SCN9A: variants seen among roughly 807,000 people sequenced by gnomAD.
SCN9A encodes the protein sodium voltage-gated channel alpha subunit 9, also known as sodium channel protein type 9 subunit alpha.
A neutral mutation model predicts 187.0 loss-of-function variants in SCN9A; 131 were observed. The ratio of observed to expected loss-of-function variants is 0.70; its 90% confidence interval spans 0.61 to 0.81. The LOEUF is 0.81. SCN9A is among the 30% of genes least tolerant of loss of function. The pLI, the probability that SCN9A is intolerant of heterozygous loss-of-function variation, is 0.00. For missense variants in SCN9A, 2,252 were observed against 2,396.6 expected (o/e 0.94, Z 1.26); for synonymous variants, 809 against 808.6 (o/e 1.00, Z -0.01).
intron 24 of SCN9A, among the ~76,000 whole-genome samples, chr2:166,211,235 A>C (rs1328473053): frequency 2.0e-5 from 3 of 152,196 alleles, no homozygotes; most frequent in Non-Finnish European, 4.4e-5. Flanking sequence ...ATAAAGTGAA[A>C]GTATATATTC....
At chr2:166,339,187 C>G (rs1699704272) in intron 1 of SCN9A, among the ~76,000 whole-genome samples, 1 of 152,100 alleles carries the variant, frequency 6.6e-6, no homozygotes, top group Admixed American at 6.6e-5. Flanking sequence ...CCATCAGGAA[C>G]ACCTAGAAGC....
At chr2:166,235,537 C>G (rs1695279037) in intron 20 of SCN9A, among the ~76,000 whole-genome samples, 1 of 152,104 alleles carries the variant, frequency 6.6e-6, no homozygotes, top group Non-Finnish European at 1.5e-5. Flanking sequence ...CATCCAACCC[C>G]AGAGTTTCTG....
chr2:166,243,806 G>C (rs1695669529), intron 18 of SCN9A, among the ~76,000 whole-genome samples: 2 of 151,974 alleles, frequency 1.3e-5, no homozygotes, highest in African/African-American at 2.4e-5. Flanking sequence ...TACGCAAATT[G>C]CAATGTAAAT....
chr2:166,257,696 T>A (rs1209711565), intron 17 of SCN9A, among the ~76,000 whole-genome samples: 1 of 151,522 alleles, frequency 6.6e-6, no homozygotes, highest in Non-Finnish European at 1.5e-5. Context: ...TCAAAACATA[T>A]ATATGCATAT....
intron 17 of SCN9A, among the ~76,000 whole-genome samples, chr2:166,271,143 C>CA (rs1300914815): frequency 1.3e-5 from 2 of 151,768 alleles, no homozygotes; most frequent in African/African-American, 2.4e-5. Context: ...CATAATTTCT[C>CA]AAAAAATTAA....
intron 1 of SCN9A, among the ~76,000 whole-genome samples, chr2:166,324,662 T>G (rs1431518126): frequency 3.9e-5 from 6 of 152,190 alleles, no homozygotes; most frequent in African/African-American, 1.4e-4. Flanking sequence ...TACTATGTGA[T>G]GAGAATGGCC....
chr2:166,278,997 G>A (rs950671851), intron 14 of SCN9A, among the ~76,000 whole-genome samples: 3 of 152,142 alleles, frequency 2.0e-5, no homozygotes, highest in African/African-American at 7.2e-5. Flanking sequence ...TATAACTGCA[G>A]GAGTCAATTT....
At chr2:166,200,140 G>T (rs1203282916) in intron 26 of SCN9A, among the ~76,000 whole-genome samples, 1 of 147,996 alleles carries the variant, frequency 6.8e-6, no homozygotes, top group Non-Finnish European at 1.5e-5. Context: ...TGGGACTACA[G>T]GCGCCCGCTA....
At chr2:166,253,106 G>C (rs571499132) in intron 17 of SCN9A, among the ~76,000 whole-genome samples, 1 of 151,858 alleles carries the variant, frequency 6.6e-6, no homozygotes, top group Non-Finnish European at 1.5e-5. Flanking sequence ...TTGACTTTTA[G>C]AGATTGACTT....
intron 1 of SCN9A, among the ~76,000 whole-genome samples, chr2:166,361,496 T>C (rs1354408393): frequency 2.6e-5 from 4 of 152,094 alleles, no homozygotes; most frequent in African/African-American, 4.8e-5. Flanking sequence ...CATTAGTTTA[T>C]TCAGTGTCTA....
At chr2:166,242,418 C>A in intron 19 of SCN9A, 84 bp downstream of exon 19, 1 of 1,235,816 alleles carries the variant, frequency 8.1e-7, no homozygotes, top group South Asian at 1.8e-5. Flanking sequence ...GGTAAAACAA[C>A]TTGCCATGAT....
chr2:166,294,707 T>C (rs201240577), intron 7 of SCN9A, 45 bp from the exon 8 acceptor site: 6 of 1,349,398 alleles, frequency 4.4e-6, no homozygotes, highest in Non-Finnish European at 6.2e-6. Context: ...CAGACTTTAA[T>C]CTGTGATTGT....
At chr2:166,234,361 G>A (rs1477853915) in intron 20 of SCN9A, among the ~76,000 whole-genome samples, 1 of 151,906 alleles carries the variant, frequency 6.6e-6, no homozygotes, top group African/African-American at 2.4e-5. Flanking sequence ...AAAAATGTCT[G>A]GAATGCAGTT....
chr2:166,271,699 T>C (rs541102767), intron 17 of SCN9A, among the ~76,000 whole-genome samples: 13 of 151,968 alleles, frequency 8.6e-5, no homozygotes, highest in Middle Eastern at 3.4e-3. Flanking sequence ...TACAAACTTT[T>C]TTAAAAAAAT....
chr2:166,284,599 G>T lies in SCN9A; in HGVS notation c.1828C>A (p.Pro610Thr), dbSNP rs41268673. The change falls in exon 12 of 27, where the codon CCA becomes ACA. Residue 610 changes from proline (P) to threonine (T), a missense_variant. By Grantham distance (38) the Pro-to-Thr change is conservative. Coordinates refer to ENST00000642356, the MANE Select transcript of SCN9A (RefSeq NM_001365536.1). ...SNISQASRSP[P>T]MLPVNGKMHS... Reference sequence around the variant, plus strand: ...ATTTTCCCGTTCACCGGCAGCATTGGTGGGGACCTACTGGCTTGGCTGATG... The same window carrying T: ...ATTTTCCCGTTCACCGGCAGCATTGTTGGGGACCTACTGGCTTGGCTGATG... The T allele has an allele frequency of 0.026, 42,042 of 1,614,034 alleles. 674 individuals carry two copies. The highest frequency in any genetic ancestry group is 0.029 in the Non-Finnish European group (33,908 of 1,179,922).
chr2:166,333,685 T>A (rs1363900312), intron 1 of SCN9A, among the ~76,000 whole-genome samples: 1 of 152,080 alleles, frequency 6.6e-6, no homozygotes, highest in Non-Finnish European at 1.5e-5. Flanking sequence ...GATCTACAAC[T>A]TTTAAAAATA....
chr2:166,269,683 G>A (rs760472378), intron 17 of SCN9A, among the ~76,000 whole-genome samples: 30 of 152,098 alleles, frequency 2.0e-4, no homozygotes, highest in Non-Finnish European at 2.9e-5. Context: ...TAAAAATGTT[G>A]CAACTCAACA....
chr2:166,284,959 G>A (rs994384251), intron 11 of SCN9A, 135 bp from the exon 12 acceptor site: 9 of 924,488 alleles, frequency 9.7e-6, no homozygotes, highest in South Asian at 3.9e-5. Flanking sequence ...ACTTAAAAAC[G>A]AAGCAATTCA....
At chr2:166,283,939 A>G (rs181091599) in intron 12 of SCN9A, among the ~76,000 whole-genome samples, 5 of 152,276 alleles carry the variant, frequency 3.3e-5, no homozygotes, top group South Asian at 2.1e-4. Context: ...TCCCATTTGT[A>G]AAACAGAGAT....
Sources: allele counts gnomAD v4.1 joint callset (sites outside exome capture counted in the v4.1 genomes callset), GRCh38; gene constraint gnomAD v4.1.1; transcripts MANE v1.5; gene names NCBI Gene and HGNC (gene_info 2026-07-23, HGNC 2026-07-21).